The following HS6ST3 variants were observed in gnomAD, a reference collection of about 807,000 sequenced individuals.
HS6ST3 encodes the protein heparan-sulfate 6-O-sulfotransferase 3.
Under a neutral mutation model 36.7 loss-of-function variants are expected in HS6ST3, and 12 were observed. That is an observed-to-expected ratio of 0.33 (90% CI 0.21 to 0.53). The LOEUF (loss-of-function observed/expected upper bound fraction) is 0.53, where lower values mean the gene tolerates loss of function less well. HS6ST3 is among the 20% of genes least tolerant of loss of function. The pLI is 0.95. For missense variants in HS6ST3, 584 were observed against 640.9 expected, an observed-to-expected ratio of 0.91 and a Z score of 0.96; for synonymous variants, 240 against 257.5, an observed-to-expected ratio of 0.93 and a Z score of 0.65.
At chr13:96,159,214 C>A (rs1197035264) in intron 1 of HS6ST3, among the ~76,000 whole-genome samples, 1 of 151,978 alleles carries the variant, frequency 6.6e-6, no homozygotes, top group Admixed American at 6.5e-5. Context: ...CCCTCCAAGA[C>A]AGGAAGGAAA....
chr13:96,412,727 C>A (rs533633620), intron 1 of HS6ST3, among the ~76,000 whole-genome samples: 1 of 151,678 alleles, frequency 6.6e-6, no homozygotes, highest in Non-Finnish European at 1.5e-5. Flanking sequence ...ACTTTGTAGG[C>A]GCTCAGTAGA....
At chr13:96,269,480 A>C (rs2054709200) in intron 1 of HS6ST3, among the ~76,000 whole-genome samples, 1 of 151,980 alleles carries the variant, frequency 6.6e-6, no homozygotes, top group African/African-American at 2.4e-5. Flanking sequence ...GTTAACCTAG[A>C]GACAAGGTGG....
chr13:96,692,212 A>G (rs190419208), intron 1 of HS6ST3, among the ~76,000 whole-genome samples: 15 of 152,222 alleles, frequency 9.9e-5, no homozygotes, highest in African/African-American at 3.4e-4. Context: ...ATCAGTATCT[A>G]TGAGGGATTG....
chr13:96,098,908 T>A (rs2053804621), intron 1 of HS6ST3, among the ~76,000 whole-genome samples: 1 of 152,176 alleles, frequency 6.6e-6, no homozygotes, highest in Non-Finnish European at 1.5e-5. Flanking sequence ...TATTATTATT[T>A]TCTCCTGAGA....
At chr13:96,183,252 T>C (rs2054247890) in intron 1 of HS6ST3, among the ~76,000 whole-genome samples, 1 of 152,168 alleles carries the variant, frequency 6.6e-6, no homozygotes. Context: ...TTTACTGTTA[T>C]CTAAGAGGTA....
intron 1 of HS6ST3, among the ~76,000 whole-genome samples, chr13:96,167,352 C>G (rs1212935748): frequency 6.6e-6 from 1 of 152,140 alleles, no homozygotes; most frequent in African/African-American, 2.4e-5. Context: ...TTTTTCCCCT[C>G]TGCCAGAGTT....
chr13:96,099,631 T>C (rs1377751070), intron 1 of HS6ST3, among the ~76,000 whole-genome samples: 1 of 152,240 alleles, frequency 6.6e-6, no homozygotes, highest in Non-Finnish European at 1.5e-5. Flanking sequence ...TTACCATGCT[T>C]TTATTGGTAA....
chr13:96,204,130 ATG>A (rs1234393634), intron 1 of HS6ST3, among the ~76,000 whole-genome samples: 1 of 152,214 alleles, frequency 6.6e-6, no homozygotes, highest in African/African-American at 2.4e-5. Flanking sequence ...TCAGATTAAT[ATG>A]TGTCATAAAA....
chr13:96,539,200 G>C (rs2056167978), intron 1 of HS6ST3, among the ~76,000 whole-genome samples: 1 of 152,136 alleles, frequency 6.6e-6, no homozygotes, highest in Non-Finnish European at 1.5e-5. Flanking sequence ...TATAAACTTA[G>C]AAAACACTTT....
At chr13:96,174,280 A>T (rs2054202335) in intron 1 of HS6ST3, among the ~76,000 whole-genome samples, 1 of 152,186 alleles carries the variant, frequency 6.6e-6, no homozygotes, top group Admixed American at 6.6e-5. Context: ...TATTCTATAT[A>T]ATGCGTTATA....
At chr13:96,291,983 TA>T (rs1294412957) in intron 1 of HS6ST3, among the ~76,000 whole-genome samples, 1 of 152,142 alleles carries the variant, frequency 6.6e-6, no homozygotes, top group Non-Finnish European at 1.5e-5. Flanking sequence ...TGCTAAGAGT[TA>T]TGTTGTAAGT....
intron 1 of HS6ST3, among the ~76,000 whole-genome samples, chr13:96,657,721 C>T (rs77092018): frequency 0.012 from 1,846 of 152,190 alleles, 32 homozygotes; most frequent in African/African-American, 0.042. Flanking sequence ...TGAGATCCTA[C>T]GGAACCTTAC....
At chr13:96,232,633 G>A (rs1325732604) in intron 1 of HS6ST3, among the ~76,000 whole-genome samples, 1 of 152,094 alleles carries the variant, frequency 6.6e-6, no homozygotes, top group African/African-American at 2.4e-5. Context: ...GTAATGAGCA[G>A]GAGGGTTTCC....
At chr13:96,489,373 CAA>C (rs1334457682) in intron 1 of HS6ST3, among the ~76,000 whole-genome samples, 25 of 75,638 alleles carry the variant, frequency 3.3e-4, no homozygotes, top group Non-Finnish European at 6.8e-4. Context: ...TCTGTATATA[CAA>C]ACACACACAC....
At chr13:96,318,535 A>AAAAAAC (rs1491574484) in intron 1 of HS6ST3, among the ~76,000 whole-genome samples, 1 of 150,422 alleles carries the variant, frequency 6.6e-6, no homozygotes, top group African/African-American at 2.5e-5. Context: ...TCCTTCTCAA[A>AAAAAAC]AAAACAAAAC....
chr13:96,494,399 G>A (rs1467802352), intron 1 of HS6ST3, among the ~76,000 whole-genome samples: 4 of 124,976 alleles, frequency 3.2e-5, no homozygotes, highest in Non-Finnish European at 3.3e-5. Context: ...TTGTGGGGTG[G>A]GGGGAGGGGG....
intron 1 of HS6ST3, among the ~76,000 whole-genome samples, chr13:96,196,799 C>T (rs1251339209): frequency 1.3e-5 from 2 of 152,204 alleles, no homozygotes; most frequent in African/African-American, 4.8e-5. Context: ...TTCTTTGTTA[C>T]AAGACCCCAC....
intron 1 of HS6ST3, among the ~76,000 whole-genome samples, chr13:96,448,382 A>C (rs1249834183): frequency 1.3e-5 from 2 of 152,064 alleles, no homozygotes; most frequent in Non-Finnish European, 2.9e-5. Flanking sequence ...CCTCGTTTAA[A>C]ATTACTCTAT....
At chr13:96,737,360 T>A (rs1203187856) in intron 1 of HS6ST3, among the ~76,000 whole-genome samples, 1 of 151,400 alleles carries the variant, frequency 6.6e-6, no homozygotes, top group East Asian at 1.9e-4. Context: ...GCGCGGTGGT[T>A]CACGCCTGTA....
Sources: gnomAD v4.1 joint callset for allele counts (sites outside exome capture counted in the v4.1 genomes callset) on GRCh38, gnomAD v4.1.1 for gene constraint, MANE v1.5 for transcripts, NCBI Gene and HGNC (gene_info 2026-07-23, HGNC 2026-07-21) for gene names.